The following RIF1 variants were observed in gnomAD, a reference collection of about 807,000 sequenced individuals.
The protein encoded by RIF1 is replication timing regulatory factor 1.
In RIF1, 45 loss-of-function variants were observed where a neutral mutation model predicts 247.1. That is an observed-to-expected ratio of 0.18 (90% CI 0.14 to 0.23). The LOEUF (loss-of-function observed/expected upper bound fraction) is 0.23, where lower values mean the gene tolerates loss of function less well. RIF1 is among the 10% of genes least tolerant of loss of function. The pLI is 1.00. For missense variants in RIF1, 2,967 were observed against 2,862.5 expected, an observed-to-expected ratio of 1.04 and a Z score of -0.83; for synonymous variants, 1,087 against 978.8, an observed-to-expected ratio of 1.11 and a Z score of -2.06.
chr2:151,462,856 G>GTATA (rs770960084), intron 29 of RIF1, 28 bp from the exon 30 acceptor site: 3 of 1,427,550 alleles, frequency 2.1e-6, no homozygotes, highest in Non-Finnish European at 2.9e-6. Flanking sequence ...ATCTGTGTGT[G>GTATA]TATATATATG....
chr2:151,474,082 A>G lies in RIF1; in HGVS notation c.7204+10A>G, dbSNP rs1390081451. 7 of 1,254,970 alleles carry G rather than the reference A, an allele frequency of 5.6e-6. No individual in the cohort carries two copies. The East Asian group carries it at 1.4e-4, about 25-fold the overall frequency. The allele number at this position is 1,254,970 out of a possible 1,614,324, so 77.7% of individuals were successfully genotyped here. A position where few individuals can be genotyped will look rare whatever the true frequency, so the allele number is the denominator to read the frequency against. Reference sequence around the variant, plus strand: ...GAAAGACTTGTCTCAGGTATATTTTAGCAAAAGTGGGATAATTTTATTTAG... The same window carrying G: ...GAAAGACTTGTCTCAGGTATATTTTGGCAAAAGTGGGATAATTTTATTTAG... On this transcript the variant is annotated intron_variant, in intron 35 of 35. Transcript: ENST00000444746.
In RIF1 at chr2:151,443,699, T is replaced by G. The variant is rs767231968; in HGVS notation, c.1976T>G (p.Leu659Trp). 1.3e-6 allele frequency: 2 copies of G among 1,564,360 alleles called. No individual in the cohort carries two copies. Among genetic ancestry groups the G allele is most frequent in the Admixed American group, 2.0e-5 (1 of 49,278 alleles). The change falls in exon 18 of 36, where the codon TTG becomes TGG. Residue 659 changes from leucine (L) to tryptophan (W), a missense_variant. Around this residue, in one of 7 missense-constraint regions of RIF1, gnomAD observed 76 missense variants for 113.3 expected, o/e 0.67. Coordinates refer to ENST00000444746, the MANE Select transcript of RIF1 (RefSeq NM_018151.5). ...GTTATAGTCACCCCATTAACTGAATTGATTAATCAGGTATGAAATAAATCT... is the reference window on the plus strand; with the variant it reads ...GTTATAGTCACCCCATTAACTGAATGGATTAATCAGGTATGAAATAAATCT... Reference protein sequence around the residue: ...WSVIVTPLTELINQTNEVNQG... With the variant: ...WSVIVTPLTEWINQTNEVNQG...
intron 10 of RIF1, chr2:151,497,949 T>C: frequency 6.9e-7 from 1 of 1,440,048 alleles, no homozygotes; most frequent in Non-Finnish European, 9.0e-7. Context: ...TCCATGTTAT[T>C]TTTTTTCATT....
Position 151,475,255 on chromosome 2 carries a change from C to CT in RIF1, c.*194dup, listed in dbSNP as rs34575263. On this transcript the variant is annotated 3_prime_UTR_variant, in exon 36 of 36. Coordinates refer to ENST00000444746, the MANE Select transcript of RIF1 (RefSeq NM_018151.5). ...TTTTGTAAGTTCATTATGTAAGATC[C>CT]TTTTTTTTTTCATAATATGTATTCT... The CT allele has an allele frequency of 0.013, 6,330 of 473,782 alleles. 5 individuals are homozygous for CT. The highest frequency in any genetic ancestry group is 0.03 in the East Asian group (829 of 27,212). The allele number at this position is 473,782 out of a possible 1,614,324, so 29.3% of individuals were successfully genotyped here.
downstream of RIF1, among the ~76,000 whole-genome samples, chr2:151,483,964 TG>T (rs1281952728): frequency 1.3e-5 from 2 of 152,220 alleles, no homozygotes; most frequent in African/African-American, 2.4e-5. Flanking sequence ...CCAAAAAGGC[TG>T]GGGACCTGTG....
At chr2:151,447,490 A>T (rs1314279516) in intron 20 of RIF1, among the ~76,000 whole-genome samples, 2 of 152,156 alleles carry the variant, frequency 1.3e-5, no homozygotes, top group African/African-American at 2.4e-5. Context: ...ATTTGTTTCA[A>T]CTGCTGTCTA....
At chr2:151,470,765 C>T (rs1209240785) in intron 34 of RIF1, among the ~76,000 whole-genome samples, 2 of 152,142 alleles carry the variant, frequency 1.3e-5, no homozygotes, top group Non-Finnish European at 2.9e-5. Context: ...TATTTGTGAT[C>T]TTCTAAACAT....
intron 25 of RIF1, among the ~76,000 whole-genome samples, chr2:151,459,141 T>G (rs1433422522): frequency 6.6e-6 from 1 of 152,196 alleles, no homozygotes; most frequent in Non-Finnish European, 1.5e-5. Context: ...ACCTCATCTG[T>G]GCTGTTCACA....
rs553250692 is a variant in RIF1, at chr2:151,430,804, C to T, written c.925+1882C>T. ...AAGTAGCTGGGACTACAGGCGTGTG[C>T]CACCATTTCTGGCTAATTTTTGTAT... On this transcript the variant is annotated intron_variant, in intron 9 of 35. Transcript: ENST00000444746. Among the ~76,000 whole-genome samples the T allele has an allele frequency of 1.4e-4, 22 of 152,122 alleles. No individual in the cohort carries two copies. The East Asian group carries it at 3.9e-3, about 27-fold the overall frequency.
intron 27 of RIF1, 93 bp downstream of exon 27, chr2:151,461,382 T>C (rs1696128488): frequency 1.6e-6 from 2 of 1,246,946 alleles, no homozygotes; most frequent in Non-Finnish European, 2.3e-6. Flanking sequence ...AACTAAAATA[T>C]GTGTACTAAT....
intron 9 of RIF1, among the ~76,000 whole-genome samples, chr2:151,432,865 A>G (rs989198513): frequency 5.3e-5 from 8 of 152,146 alleles, no homozygotes; most frequent in Admixed American, 1.3e-4. Flanking sequence ...TTTAAAATAT[A>G]TTTTTGATTT....
rs1291042219 is a variant in RIF1 at position 151,418,643 on chromosome 2, G to GA, written c.504-1547_504-1546insA. On this transcript the variant is annotated intron_variant, in intron 6 of 35. Coordinates refer to ENST00000444746, the MANE Select transcript of RIF1 (RefSeq NM_018151.5). ...TAATCCCAGAACTTTGGGAGGCCCA[G>GA]GTGGGTGGATTACCTGAGGTCAGGA... is the stretch of plus-strand genomic sequence containing the variant. Among the ~76,000 whole-genome samples, 16 of 152,148 alleles carry GA rather than the reference G, an allele frequency of 1.1e-4. 1 individual carries two copies. The highest frequency in any genetic ancestry group is 3.9e-4 in the African/African-American group (16 of 41,452).
chr2:151,457,421 C>T (rs577609335), intron 23 of RIF1, among the ~76,000 whole-genome samples: 1 of 152,328 alleles, frequency 6.6e-6, no homozygotes, highest in East Asian at 1.9e-4. Context: ...CTGAGCCCAG[C>T]CTAGTTAATC....
In RIF1 at chr2:151,461,986, G is replaced by A. The variant is rs117965743; in HGVS notation, c.3228-256G>A. ...CCTCCCGGGCTCAAGTGATCTTCCC[G>A]CATCAACCTCCCAAGTAGCTGGGAC... is the stretch of plus-strand genomic sequence containing the variant. On this transcript the variant is annotated intron_variant, in intron 27 of 35. Coordinates refer to ENST00000444746, the MANE Select transcript of RIF1 (RefSeq NM_018151.5). Among the ~76,000 whole-genome samples, 352 of 152,142 alleles carry A rather than the reference G, an allele frequency of 2.3e-3. 9 individuals carry two copies. The East Asian group carries it at 0.046, about 20-fold the overall frequency.
chr2:151,473,839 G>A lies in RIF1; in HGVS notation c.7096-125G>A, dbSNP rs1574188904. 9 of 660,040 alleles carry A rather than the reference G, an allele frequency of 1.4e-5. No homozygotes were observed. The East Asian group carries it at 2.3e-4, about 17-fold the overall frequency. The allele number at this position is 660,040 out of a possible 1,614,324, so 40.9% of individuals were successfully genotyped here. A position where few individuals can be genotyped will look rare whatever the true frequency, so the allele number is the denominator to read the frequency against. On this transcript the variant is annotated intron_variant, in intron 34 of 35. Transcript: ENST00000444746. ...AGCAGTATTAGCTCTTAATTGTGAT[G>A]GGTGGTAGAACATAGGTTCTATGCA...
chr2:151,439,511 G>C (rs1342154423), intron 14 of RIF1, among the ~76,000 whole-genome samples: 1 of 151,464 alleles, frequency 6.6e-6, no homozygotes, highest in Non-Finnish European at 1.5e-5. Flanking sequence ...CTAAAAATAC[G>C]AAATTAGCCA....
intron 8 of RIF1, among the ~76,000 whole-genome samples, chr2:151,427,277 C>T (rs1689270525): frequency 6.6e-6 from 1 of 151,040 alleles, no homozygotes; most frequent in Non-Finnish European, 1.5e-5. Flanking sequence ...CAAACATGAT[C>T]TCGGCTCACT....
intron 3 of RIF1, among the ~76,000 whole-genome samples, chr2:151,412,792 TAA>T (rs1686488006): frequency 2.0e-5 from 3 of 152,044 alleles, no homozygotes; most frequent in African/African-American, 7.2e-5. Context: ...CGTGTGCCTT[TAA>T]ACAAGTGTTT....
At chr2:151,508,827 G>T (rs541504956), downstream of RIF1, among the ~76,000 whole-genome samples, 1 of 152,248 alleles carries the variant, frequency 6.6e-6, no homozygotes, top group Non-Finnish European at 1.5e-5. Flanking sequence ...CTGGAGAGAC[G>T]TGTCCATATA....
Sources: allele counts gnomAD v4.1 joint callset (sites outside exome capture counted in the v4.1 genomes callset), GRCh38; gene constraint gnomAD v4.1.1; regional missense constraint gnomAD v4.1.1; transcripts MANE v1.5; gene names NCBI Gene and HGNC (gene_info 2026-07-23, HGNC 2026-07-21).